Variants in HADH observed in about 807,000 individuals in gnomAD.
HADH encodes hydroxyacyl-CoA dehydrogenase, also known as hydroxyacyl-coenzyme A dehydrogenase, mitochondrial.
In HADH, 24 loss-of-function variants were observed where a neutral mutation model predicts 32.2. The ratio of observed to expected loss-of-function variants is 0.75; its 90% CI spans 0.54 to 1.05. The LOEUF (loss-of-function observed/expected upper bound fraction) is 1.05, where lower values mean the gene tolerates loss of function less well. Ranked by LOEUF, HADH falls within the 50% of genes least tolerant of loss-of-function variation. HADH has a pLI of 0.00. For missense variants in HADH, 350 were observed against 397.1 expected (o/e 0.88, Z 1.01); for synonymous variants, 139 against 152.5 (o/e 0.91, Z 0.65).
intron 1 of HADH, among the ~76,000 whole-genome samples, chr4:108,003,881 G>A (rs1333619849): frequency 6.6e-6 from 1 of 151,084 alleles, no homozygotes; most frequent in Non-Finnish European, 1.5e-5. Flanking sequence ...GCAGGTTTTT[G>A]ACTTGTATTA....
At chr4:108,002,138 G>C (rs139173754) in intron 1 of HADH, among the ~76,000 whole-genome samples, 1 of 152,242 alleles carries the variant, frequency 6.6e-6, no homozygotes, top group African/African-American at 2.4e-5. Context: ...GCCATATGAG[G>C]ACACAGTGCT....
At chr4:108,029,182 G>A in intron 6 of HADH, 1 of 315,020 alleles carries the variant, frequency 3.2e-6, no homozygotes, top group Non-Finnish European at 5.8e-6. Context: ...CCCACCACCT[G>A]CTCCCTCCTC....
intron 1 of HADH, among the ~76,000 whole-genome samples, chr4:107,995,325 C>T (rs1369612239): frequency 6.6e-6 from 1 of 152,164 alleles, no homozygotes; most frequent in African/African-American, 2.4e-5. Context: ...ACTCACCTGA[C>T]AGCTGTGAAA....
chr4:107,999,421 G>T (rs1735049613), intron 1 of HADH, among the ~76,000 whole-genome samples: 1 of 152,154 alleles, frequency 6.6e-6, no homozygotes, highest in Non-Finnish European at 1.5e-5. Flanking sequence ...AACAGAGAGA[G>T]ACTTTAGTGG....
rs539336862 is a variant in HADH, at chr4:108,034,889, C to T, written c.*532C>T. 5 of 211,418 alleles carry T rather than the reference C, an allele frequency of 2.4e-5. No homozygotes were observed. In the East Asian group the frequency reaches 4.3e-4, roughly 18 times the overall value. The allele number at this position is 211,418 out of a possible 1,614,324, so 13.1% of individuals were successfully genotyped here. A position where few individuals can be genotyped will look rare whatever the true frequency, so the allele number is the denominator to read the frequency against. ...GCATGACATAAGATGTGTCTTTATT[C>T]AGCTCGTCGTGAAGATGCTGCTGCT... On this transcript the variant is annotated 3_prime_UTR_variant, in exon 8 of 8. Coordinates refer to ENST00000309522, the MANE Select transcript of HADH (RefSeq NM_005327.7).
intron 1 of HADH, among the ~76,000 whole-genome samples, chr4:107,998,654 G>T (rs1040069183): frequency 6.6e-6 from 1 of 152,184 alleles, no homozygotes; most frequent in African/African-American, 2.4e-5. Flanking sequence ...AGAGGCAGAT[G>T]TAGGGAGCTA....
chr4:108,001,851 G>A (rs1735127742), intron 1 of HADH, among the ~76,000 whole-genome samples: 1 of 152,156 alleles, frequency 6.6e-6, no homozygotes, highest in Admixed American at 6.5e-5. Context: ...TTGGACCATA[G>A]TTGACTGTTG....
Position 108,034,260 on chromosome 4 carries a change from A to G in HADH, c.848A>G (p.Glu283Gly). The G allele has an allele frequency of 1.9e-6, 3 of 1,610,172 alleles. No individual in the cohort carries two copies. The highest frequency in any genetic ancestry group is 1.7e-6 in the Non-Finnish European group (2 of 1,176,318). ...IVDGWHEMDA[E>G]NPLHQPSPSL... Reference sequence around the variant, plus strand: ...ATAGGGTGGCATGAAATGGATGCAGAGAACCCATTACATCAGCCCAGCCCA... The same window carrying G: ...ATAGGGTGGCATGAAATGGATGCAGGGAACCCATTACATCAGCCCAGCCCA... The change falls in exon 8 of 8, where the codon GAG (glutamate) becomes GGG (glycine). Residue 283 changes from glutamate to glycine, a missense_variant. Transcript: ENST00000309522.
chr4:108,009,676 C>G (rs894691893), intron 1 of HADH, 83 bp from the exon 2 acceptor site: 1 of 1,125,332 alleles, frequency 8.9e-7, no homozygotes, highest in African/African-American at 1.5e-5. Context: ...TATGAAATGC[C>G]ACTGTTTTTT....
chr4:108,010,906 C>T (rs2126227086), intron 2 of HADH, among the ~76,000 whole-genome samples: 1 of 146,956 alleles, frequency 6.8e-6, no homozygotes, highest in South Asian at 2.1e-4. Flanking sequence ...GGCTGGAGTG[C>T]AGTGGCACAA....
rs1027328588 is a variant in HADH, at chr4:108,021,627, A to G, written c.547-1847A>G. On this transcript the variant is annotated intron_variant, in intron 4 of 7. Coordinates refer to ENST00000309522, the MANE Select transcript of HADH (RefSeq NM_005327.7). Reference sequence around the variant, plus strand: ...TGAATGAATGAGTGAATAAACATCCATCTCTCCTGTTTAAAAAGAAACAAA... The same window carrying G: ...TGAATGAATGAGTGAATAAACATCCGTCTCTCCTGTTTAAAAAGAAACAAA... Among the ~76,000 whole-genome samples, 4 of 152,214 alleles carry G rather than the reference A, an allele frequency of 2.6e-5. No individual in the cohort carries two copies. The East Asian group carries it at 5.8e-4, about 22-fold the overall frequency.
intron 2 of HADH, among the ~76,000 whole-genome samples, 166 bp downstream of exon 2, chr4:108,010,053 T>C (rs1328122042): frequency 6.6e-6 from 1 of 151,494 alleles, no homozygotes; most frequent in African/African-American, 2.4e-5. Context: ...ATAACATAAT[T>C]ACTAAACATT....
chr4:108,002,479 T>A (rs1213764396), intron 1 of HADH, among the ~76,000 whole-genome samples: 1 of 152,194 alleles, frequency 6.6e-6, no homozygotes, highest in Non-Finnish European at 1.5e-5. Context: ...CTCCCACTAA[T>A]TCTGTATTGT....
At chr4:108,019,940 A>C (rs1457480266) in intron 4 of HADH, among the ~76,000 whole-genome samples, 1 of 152,224 alleles carries the variant, frequency 6.6e-6, no homozygotes, top group African/African-American at 2.4e-5. Flanking sequence ...GAGAGGCATC[A>C]GAATGGGAAG....
At chr4:108,033,155 G>C (rs377234962) in intron 6 of HADH, 21 bp from the exon 7 acceptor site, 9 of 1,189,970 alleles carry the variant, frequency 7.6e-6, no homozygotes. Flanking sequence ...TGGTGACCCA[G>C]TGCTGCCGTT....
chr4:108,031,263 TTATA>T (rs1736252309), intron 6 of HADH: 1 of 152,202 alleles, frequency 6.6e-6, no homozygotes, highest in Non-Finnish European at 1.5e-5. Context: ...GTTGCTTTTT[TTATA>T]TATGCAGGGA....
chr4:107,995,771 C>A (rs1734937122), intron 1 of HADH, among the ~76,000 whole-genome samples: 1 of 152,174 alleles, frequency 6.6e-6, no homozygotes, highest in South Asian at 2.1e-4. Context: ...GAATTCAGTT[C>A]TGCCTGCACC....
intron 1 of HADH, among the ~76,000 whole-genome samples, chr4:107,991,384 CTT>C (rs975772014): frequency 1.3e-5 from 2 of 151,964 alleles, no homozygotes; most frequent in African/African-American, 4.8e-5. Context: ...TTCATGCTTG[CTT>C]TTTAAAAACA....
At chr4:108,006,192 G>A (rs1398402114) in intron 1 of HADH, among the ~76,000 whole-genome samples, 1 of 152,174 alleles carries the variant, frequency 6.6e-6, no homozygotes, top group South Asian at 2.1e-4. Context: ...GTGTGTGGGG[G>A]AGGAGTCTTC....
Sources: allele counts gnomAD v4.1 joint callset (sites outside exome capture counted in the v4.1 genomes callset), GRCh38; gene constraint gnomAD v4.1.1; transcripts MANE v1.5; gene names NCBI Gene and HGNC (gene_info 2026-07-23, HGNC 2026-07-21).